Variants in PCDHGB2 observed in about 807,000 individuals in gnomAD.
PCDHGB2 encodes the protein protocadherin gamma-B2.
A neutral mutation model predicts 59.3 loss-of-function variants in PCDHGB2; 55 were observed. The ratio of observed to expected loss-of-function variants is 0.93; its 90% CI spans 0.75 to 1.16. PCDHGB2 has a LOEUF of 1.16. Ranked by LOEUF, PCDHGB2 falls within the 50% of genes most tolerant of loss-of-function variation. PCDHGB2 has a pLI of 0.00. For synonymous variants in PCDHGB2, 516 were observed against 512.0 expected (o/e 1.01, Z -0.11); for missense variants, 1,228 against 1,198.5 (o/e 1.02, Z -0.36).
intron 1 of PCDHGB2, chr5:141,374,893 T>C (rs1261699013): frequency 1.9e-6 from 3 of 1,613,834 alleles, no homozygotes. Context: ...CCGACCAGGA[T>C]GAAGGAGTCC....
At chr5:141,464,418 T>C (rs1244881278) in intron 1 of PCDHGB2, among the ~76,000 whole-genome samples, 2 of 151,652 alleles carry the variant, frequency 1.3e-5, no homozygotes, top group Non-Finnish European at 2.9e-5. Flanking sequence ...TATATATCTA[T>C]ATATATAGAT....
At position 141,431,245 on chromosome 5, in the gene PCDHGB2, C is replaced by T; in HGVS notation, c.2422-63562C>T. The T allele has an allele frequency of 1.2e-6, 2 of 1,614,134 alleles. No individual in the cohort carries two copies. The highest frequency in any genetic ancestry group is 1.7e-6 in the Non-Finnish European group (2 of 1,180,038). ...TACCCCACGCCTGGGATCCGGATATCGGGAAGAACTCTCTGCAGAGCTACG... is the reference window on the plus strand; with the variant it reads ...TACCCCACGCCTGGGATCCGGATATTGGGAAGAACTCTCTGCAGAGCTACG... On this transcript the variant is annotated intron_variant, in intron 1 of 3. Transcript: ENST00000522605. This position sits in a 1 kb window ranked among gnomAD's most constrained non-coding sequence, Gnocchi z 4.8.
At chr5:141,426,521 C>T (rs184198267) in intron 1 of PCDHGB2, 14 of 341,908 alleles carry the variant, frequency 4.1e-5, no homozygotes, top group Admixed American at 7.6e-5. Flanking sequence ...ACCGTGAACA[C>T]GGAGAATGGG....
chr5:141,420,968 T>A (rs1031890748), intron 1 of PCDHGB2: 1 of 441,548 alleles, frequency 2.3e-6, no homozygotes, highest in Non-Finnish European at 4.0e-6. Context: ...GTTGCAATAA[T>A]AAGAATGGGC....
At chr5:141,388,064 G>A in intron 1 of PCDHGB2, 1 of 1,376,092 alleles carries the variant, frequency 7.3e-7, no homozygotes, top group South Asian at 1.3e-5. Context: ...GCGTCCAGGA[G>A]TTACCGACTC....
intron 1 of PCDHGB2, chr5:141,382,874 G>A (rs369372304): frequency 1.6e-5 from 24 of 1,523,072 alleles, no homozygotes; most frequent in Non-Finnish European, 1.8e-6. Context: ...CGAGATCGGC[G>A]CCTAAGCAAG....
intron 1 of PCDHGB2, chr5:141,403,191 G>T (rs368387997): frequency 6.2e-7 from 1 of 1,613,994 alleles, no homozygotes; most frequent in Non-Finnish European, 8.5e-7. Flanking sequence ...CTGAACCCGC[G>T]CAGCGGCACC....
intron 1 of PCDHGB2, among the ~76,000 whole-genome samples, chr5:141,483,466 A>C (rs1212605130): frequency 6.6e-6 from 1 of 152,188 alleles, no homozygotes. Context: ...GTTGATTGAC[A>C]TGATATAGGA....
At chr5:141,510,849 G>C (rs959784028) in intron 3 of PCDHGB2, 98 bp from the exon 4 acceptor site, 10 of 1,596,568 alleles carry the variant, frequency 6.3e-6, no homozygotes, top group Middle Eastern at 1.7e-4. Flanking sequence ...CAAGGCCCAG[G>C]GTGCTGTATA....
intron 1 of PCDHGB2, chr5:141,441,955 A>G: frequency 3.1e-6 from 1 of 320,028 alleles, no homozygotes; most frequent in Non-Finnish European, 6.0e-6. Context: ...GCAGGCCAGC[A>G]AGCCCAGGCT....
intron 2 of PCDHGB2, among the ~76,000 whole-genome samples, chr5:141,497,905 C>T (rs1052659134): frequency 6.6e-6 from 1 of 152,178 alleles, no homozygotes; most frequent in Non-Finnish European, 1.5e-5. Context: ...GTAACTTCAA[C>T]TTCTCTCCTT....
At chr5:141,389,147 G>C (rs530113846) in intron 1 of PCDHGB2, 120 of 1,613,986 alleles carry the variant, frequency 7.4e-5, no homozygotes, top group Admixed American at 4.8e-4. Flanking sequence ...TAACCGTTAC[G>C]GCAACAGATC....
rs2099710219 is a variant in PCDHGB2, at chr5:141,491,289, C to A, written c.2422-3518C>A. On this transcript the variant is annotated intron_variant, in intron 1 of 3. Transcript: ENST00000522605. The surrounding 1 kb of genome is among the most constrained non-coding windows in gnomAD (Gnocchi z 6.9). The stretch of plus-strand genomic sequence containing the variant: ...CCAAATCCAGTGACTTCCTCATACA[C>A]CCTCCTGAGCGTTCAGACCTTACCC... 1 of 1,614,112 alleles carries A rather than the reference C, an allele frequency of 6.2e-7. No homozygotes were observed. Among genetic ancestry groups the A allele is most frequent in the Non-Finnish European group, 8.5e-7 (1 of 1,179,942 alleles).
intron 1 of PCDHGB2, chr5:141,374,782 A>C (rs781674966): frequency 5.6e-6 from 9 of 1,613,904 alleles, no homozygotes; most frequent in Non-Finnish European, 7.6e-6. Flanking sequence ...TAACAGTTCT[A>C]GATGTGAATG....
At chr5:141,405,218 G>T in intron 1 of PCDHGB2, 1 of 1,613,986 alleles carries the variant, frequency 6.2e-7, no homozygotes, top group Non-Finnish European at 8.5e-7. Flanking sequence ...CTATTCTCAG[G>T]AGTTCTCCCT....
At position 141,409,894 on chromosome 5, in the gene PCDHGB2, C is replaced by A. The variant is rs1440813020; in HGVS notation, c.2421+47338C>A. The A allele has an allele frequency of 2.5e-6, 4 of 1,613,196 alleles. No homozygotes were observed. In the Admixed American group the frequency reaches 5.0e-5, roughly 20 times the overall value. ...ATGACAACGCACCGCGGGTGCTGTACCCAGCTCTGGGTCCTGACGGCTCCG... is the reference window on the plus strand; with the variant it reads ...ATGACAACGCACCGCGGGTGCTGTAACCAGCTCTGGGTCCTGACGGCTCCG... On this transcript the variant is annotated intron_variant, in intron 1 of 3. Transcript: ENST00000522605.
intron 1 of PCDHGB2, chr5:141,421,906 G>C: frequency 6.2e-7 from 1 of 1,613,770 alleles, no homozygotes; most frequent in Non-Finnish European, 8.5e-7. Context: ...AAAGGGCGCA[G>C]TTCCCATTCG....
At chr5:141,376,411 C>T in intron 1 of PCDHGB2, 1 of 1,614,182 alleles carries the variant, frequency 6.2e-7, no homozygotes, top group Non-Finnish European at 8.5e-7. Flanking sequence ...CCAACTATGC[C>T]GACACGCTTA....
intron 1 of PCDHGB2, chr5:141,395,539 TG>T: frequency 9.6e-6 from 2 of 208,432 alleles, no homozygotes; most frequent in Non-Finnish European, 1.6e-5. Flanking sequence ...ATTTTGCTAT[TG>T]TTTGTGTGTG....
Sources: gnomAD v4.1 joint callset for allele counts (sites outside exome capture counted in the v4.1 genomes callset) on GRCh38, gnomAD v4.1.1 for gene constraint, Gnocchi (gnomAD v3.1) non-coding constraint, MANE v1.5 for transcripts, NCBI Gene and HGNC (gene_info 2026-07-23, HGNC 2026-07-21) for gene names.